The following CDC42SE2 variants were observed in gnomAD, a reference collection of about 807,000 sequenced individuals.
CDC42SE2 encodes CDC42 small effector 2.
In CDC42SE2, 3 loss-of-function variants were observed where a neutral mutation model predicts 11.5. The observed-to-expected ratio is 0.26, with a 90% CI of 0.12 to 0.67. The LOEUF (loss-of-function observed/expected upper bound fraction) is 0.67, where lower values mean the gene tolerates loss of function less well. Among genes scored for constraint, CDC42SE2 ranks in the 30% least tolerant of loss-of-function variants. The pLI is 0.80. For synonymous variants in CDC42SE2, 33 were observed against 34.8 expected (o/e 0.95, Z 0.18); for missense variants, 82 against 106.8 (o/e 0.77, Z 1.02).
At chr5:131,346,801 G>A (rs1032554592) in intron 2 of CDC42SE2, among the ~76,000 whole-genome samples, 2 of 152,094 alleles carry the variant, frequency 1.3e-5, no homozygotes, top group South Asian at 2.1e-4. Flanking sequence ...ATAACAAACT[G>A]TCTCTCAGAC....
At chr5:131,274,276 A>G (rs1403153512) in intron 1 of CDC42SE2, among the ~76,000 whole-genome samples, 1 of 151,990 alleles carries the variant, frequency 6.6e-6, no homozygotes, top group Non-Finnish European at 1.5e-5. Context: ...CGTCTTCCTC[A>G]TCCTATTAAA....
intron 4 of CDC42SE2, among the ~76,000 whole-genome samples, chr5:131,388,586 C>A (rs1258495028): frequency 6.6e-6 from 1 of 152,150 alleles, no homozygotes; most frequent in Non-Finnish European, 1.5e-5. Flanking sequence ...CTCTTTTCTA[C>A]TACCCTCTTT....
chr5:131,385,041 TCACCCTCC>T (rs573744951), intron 3 of CDC42SE2, among the ~76,000 whole-genome samples: 1 of 152,014 alleles, frequency 6.6e-6, no homozygotes, highest in African/African-American at 2.4e-5. Flanking sequence ...TGTCACCCTC[TCACCCTCC>T]CACCTCCACC....
chr5:131,349,157 T>C (rs1293212847), intron 2 of CDC42SE2, among the ~76,000 whole-genome samples: 2 of 151,952 alleles, frequency 1.3e-5, no homozygotes, highest in African/African-American at 4.8e-5. Context: ...AATCTAACTT[T>C]GCAGCCATAA....
At chr5:131,298,087 A>G (rs1757608229) in intron 1 of CDC42SE2, among the ~76,000 whole-genome samples, 1 of 151,594 alleles carries the variant, frequency 6.6e-6, no homozygotes, top group Non-Finnish European at 1.5e-5. Flanking sequence ...GCTTTCATTC[A>G]GCTGCTGTCT....
At chr5:131,296,786 G>C (rs998308110) in intron 1 of CDC42SE2, among the ~76,000 whole-genome samples, 6 of 152,136 alleles carry the variant, frequency 3.9e-5, no homozygotes, top group African/African-American at 1.4e-4. Flanking sequence ...TTTACAGTTT[G>C]ATTATGTTGC....
chr5:131,352,685 C>G (rs798407), intron 2 of CDC42SE2, among the ~76,000 whole-genome samples: 65,312 of 151,990 alleles, frequency 0.43, 17,989 homozygotes, highest in African/African-American at 0.78. Flanking sequence ...TTTTTCAAAA[C>G]GGTGTTGTAC....
chr5:131,333,678 T>C (rs1316714160), intron 2 of CDC42SE2, among the ~76,000 whole-genome samples: 1 of 151,664 alleles, frequency 6.6e-6, no homozygotes, highest in African/African-American at 2.4e-5. Flanking sequence ...GAAGAGGTCC[T>C]TCACATCCCT....
intron 1 of CDC42SE2, among the ~76,000 whole-genome samples, chr5:131,278,638 A>C (rs1040490985): frequency 6.8e-6 from 1 of 148,008 alleles, no homozygotes; most frequent in East Asian, 2.1e-4. Flanking sequence ...GACCACTGGC[A>C]GTGGGACCAT....
At chr5:131,324,738 A>T (rs1370714015) in intron 2 of CDC42SE2, among the ~76,000 whole-genome samples, 1 of 152,190 alleles carries the variant, frequency 6.6e-6, no homozygotes, top group African/African-American at 2.4e-5. Flanking sequence ...AAGAGTAGCT[A>T]TATTATCTTC....
intron 1 of CDC42SE2, among the ~76,000 whole-genome samples, chr5:131,274,834 A>G (rs534917209): frequency 1.3e-5 from 2 of 152,252 alleles, no homozygotes; most frequent in South Asian, 4.1e-4. Context: ...CGTTTTATTC[A>G]CTGCAGAATC....
intron 3 of CDC42SE2, among the ~76,000 whole-genome samples, chr5:131,365,972 T>G (rs1216976949): frequency 6.6e-6 from 1 of 152,064 alleles, no homozygotes; most frequent in Non-Finnish European, 1.5e-5. Context: ...CAGAGCGAGA[T>G]TCTGTTAAAA....
intron 1 of CDC42SE2, among the ~76,000 whole-genome samples, chr5:131,254,158 A>G (rs1161494508): frequency 1.3e-5 from 2 of 152,096 alleles, no homozygotes; most frequent in Non-Finnish European, 2.9e-5. Context: ...TACATTAGGT[A>G]TTTCTCCTAA....
chr5:131,304,831 A>T (rs576129801), intron 1 of CDC42SE2, among the ~76,000 whole-genome samples: 2 of 152,268 alleles, frequency 1.3e-5, no homozygotes, highest in East Asian at 3.9e-4. Context: ...CATTAAAAGG[A>T]TCTTGCTTTT....
chr5:131,362,356 C>T (rs1048278522), intron 3 of CDC42SE2, among the ~76,000 whole-genome samples: 2 of 152,128 alleles, frequency 1.3e-5, no homozygotes, highest in Admixed American at 1.3e-4. Flanking sequence ...TTGTGGTCAC[C>T]ATAATGGAGG....
intron 1 of CDC42SE2, among the ~76,000 whole-genome samples, chr5:131,268,125 C>T (rs1756911192): frequency 7.3e-6 from 1 of 137,138 alleles, no homozygotes; most frequent in African/African-American, 2.9e-5. Flanking sequence ...TGCAATGGCG[C>T]AATCTCGGCT....
intron 4 of CDC42SE2, among the ~76,000 whole-genome samples, chr5:131,386,746 T>C (rs1750499022): frequency 6.6e-6 from 1 of 152,222 alleles, no homozygotes; most frequent in African/African-American, 2.4e-5. Context: ...CTGACTCTTT[T>C]CCCCATGCCT....
intron 2 of CDC42SE2, among the ~76,000 whole-genome samples, chr5:131,339,888 A>G (rs1490879991): frequency 6.6e-6 from 1 of 152,106 alleles, no homozygotes; most frequent in African/African-American, 2.4e-5. Flanking sequence ...TGGGTTAAAT[A>G]GCAGAATAGA....
At chr5:131,386,651 T>C (rs956089671) in intron 4 of CDC42SE2, among the ~76,000 whole-genome samples, 2 of 152,162 alleles carry the variant, frequency 1.3e-5, no homozygotes, top group Non-Finnish European at 2.9e-5. Flanking sequence ...CAGAATGCAT[T>C]ATAATAGAAG....
Sources: gnomAD v4.1 joint callset for allele counts (sites outside exome capture counted in the v4.1 genomes callset) on GRCh38, gnomAD v4.1.1 for gene constraint, MANE v1.5 for transcripts, NCBI Gene and HGNC (gene_info 2026-07-23, HGNC 2026-07-21) for gene names.